Variants in STIM2 observed in about 807,000 individuals in gnomAD.
STIM2 encodes stromal interaction molecule 2.
In STIM2, 31 loss-of-function variants were observed where a neutral mutation model predicts 85.8. The ratio of observed to expected loss-of-function variants is 0.36; its 90% CI spans 0.27 to 0.49. The LOEUF is 0.49. Among genes scored for constraint, STIM2 ranks in the 20% least tolerant of loss-of-function variants. The probability of loss-of-function intolerance (pLI) is 0.98; values close to 1 mark genes in which losing one functional copy is unlikely to be tolerated. For synonymous variants in STIM2, 356 were observed against 331.1 expected (o/e 1.08, Z -0.82); for missense variants, 841 against 927.6 (o/e 0.91, Z 1.21).
At chr4:27,020,870 TA>T in intron 11 of STIM2, 1 of 747,078 alleles carries the variant, frequency 1.3e-6, no homozygotes, top group Non-Finnish European at 2.2e-6. Context: ...TGCTGGGTTA[TA>T]ATCATATGTG....
At chr4:26,917,985 G>A (rs148440989) in intron 1 of STIM2, among the ~76,000 whole-genome samples, 8 of 152,010 alleles carry the variant, frequency 5.3e-5, no homozygotes, top group Non-Finnish European at 2.9e-5. Flanking sequence ...TTATGCCTCC[G>A]AGTTCTTGGA....
chr4:26,922,391 T>G (rs1724837075), intron 2 of STIM2, among the ~76,000 whole-genome samples: 1 of 150,582 alleles, frequency 6.6e-6, no homozygotes, highest in East Asian at 2.0e-4. Context: ...GTATACAGTG[T>G]TAAGTAGATG....
At chr4:26,919,381 A>T in intron 1 of STIM2, 123 bp from the exon 2 acceptor site, 1 of 1,254,452 alleles carries the variant, frequency 8.0e-7, no homozygotes, top group Non-Finnish European at 1.1e-6. Context: ...TAGACGTTTT[A>T]AAGTCTCTTA....
At chr4:27,008,214 A>C (rs1728437400) in intron 8 of STIM2, among the ~76,000 whole-genome samples, 1 of 152,202 alleles carries the variant, frequency 6.6e-6, no homozygotes, top group African/African-American at 2.4e-5. Flanking sequence ...CTCCAGAATA[A>C]AGTTTTGAAT....
chr4:26,937,042 C>T (rs1725419333), intron 2 of STIM2, among the ~76,000 whole-genome samples: 1 of 152,082 alleles, frequency 6.6e-6, no homozygotes, highest in African/African-American at 2.4e-5. Flanking sequence ...CCTGCCTCAA[C>T]CTCTCAAAGT....
intron 1 of STIM2, chr4:26,861,697 T>TTA (rs1722207928): frequency 1.1e-5 from 1 of 94,238 alleles, no homozygotes; most frequent in African/African-American, 5.3e-5. Context: ...CTGGGCTGAT[T>TTA]TTTTTTTTTT....
rs376025030 is a variant in STIM2, at chr4:26,888,575, C to T, written c.151+27206C>T. Reference sequence around the variant, plus strand: ...GTAGCTGGTTTTTGTTTATGATTACCTTCTTGCACTATCCATTCCATTTTT... The same window carrying T: ...GTAGCTGGTTTTTGTTTATGATTACTTTCTTGCACTATCCATTCCATTTTT... On this transcript the variant is annotated intron_variant, in intron 1 of 11. Transcript: ENST00000467087. Among the ~76,000 whole-genome samples, 205 of 152,292 alleles carry T rather than the reference C, an allele frequency of 1.3e-3. 9 individuals carry two copies. In the South Asian group the frequency reaches 0.039, roughly 29 times the overall value.
chr4:26,940,247 C>A (rs1452076506), intron 2 of STIM2, among the ~76,000 whole-genome samples: 1 of 152,160 alleles, frequency 6.6e-6, no homozygotes, highest in African/African-American at 2.4e-5. Flanking sequence ...TGCCTTTCCT[C>A]CACCATAAGT....
At chr4:26,894,706 A>T (rs1001301847) in intron 1 of STIM2, among the ~76,000 whole-genome samples, 3 of 152,138 alleles carry the variant, frequency 2.0e-5, no homozygotes, top group Non-Finnish European at 4.4e-5. Flanking sequence ...AGTCACTGTC[A>T]TCTTATATGT....
rs778636017 is a variant in STIM2 at position 27,017,861 on chromosome 4, C to T, written c.1640C>T (p.Pro547Leu). The T allele has an allele frequency of 5.0e-6, 8 of 1,614,040 alleles. No individual in the cohort carries two copies. Among genetic ancestry groups the T allele is most frequent in the Middle Eastern group, 1.6e-4 (1 of 6,084 alleles). Residue 547 changes from proline (P) to leucine (L), a missense_variant, in exon 11 of 12, where the codon CCG (proline) becomes CTG (leucine). Physicochemically the swap from Pro to Leu is moderately conservative, Grantham distance 98. Transcript: ENST00000467087. ...TCACACCCTCGGCACCCTCACCACC[C>T]GCAACACACACCACACTCCTTGCCT...
At chr4:26,948,092 A>G (rs1172128791) in intron 2 of STIM2, among the ~76,000 whole-genome samples, 2 of 152,208 alleles carry the variant, frequency 1.3e-5, no homozygotes, top group African/African-American at 4.8e-5. Context: ...TTCAGGTATG[A>G]TTGGATTCTT....
intron 2 of STIM2, among the ~76,000 whole-genome samples, chr4:26,922,144 G>A (rs546526833): frequency 1.8e-3 from 281 of 152,044 alleles, no homozygotes; most frequent in African/African-American, 6.4e-3. Context: ...CATTTATTGT[G>A]GGCCGTTTTA....
chr4:27,002,102 G>C, intron 5 of STIM2, 115 bp from the exon 6 acceptor site: 1 of 893,482 alleles, frequency 1.1e-6, no homozygotes, highest in Non-Finnish European at 1.7e-6. Context: ...TTGTGCATGG[G>C]AAAGAGATCT....
intron 2 of STIM2, among the ~76,000 whole-genome samples, chr4:26,927,934 G>A (rs1189486858): frequency 1.3e-5 from 2 of 149,662 alleles, no homozygotes; most frequent in Non-Finnish European, 3.0e-5. Context: ...TGCTATAGCA[G>A]GGTACTATAG....
At chr4:27,016,229 T>TA (rs1032653581) in intron 10 of STIM2, among the ~76,000 whole-genome samples, 1 of 152,340 alleles carries the variant, frequency 6.6e-6, no homozygotes, top group African/African-American at 2.4e-5. Flanking sequence ...TTTCATGATG[T>TA]AAAAAAATCC....
intron 1 of STIM2, 157 bp downstream of exon 1, chr4:26,861,526 A>T (rs1468698637): frequency 1.8e-6 from 2 of 1,127,894 alleles, no homozygotes; most frequent in Non-Finnish European, 2.2e-6. Flanking sequence ...GGTCCCCTGC[A>T]CTCCGGACGT....
At chr4:26,966,843 G>A (rs889180926) in intron 3 of STIM2, among the ~76,000 whole-genome samples, 5 of 152,016 alleles carry the variant, frequency 3.3e-5, no homozygotes, top group Non-Finnish European at 5.9e-5. Context: ...ACTCTGCATA[G>A]AATAGAACAA....
chr4:27,002,074 A>G, intron 5 of STIM2, 143 bp from the exon 6 acceptor site: 1 of 677,254 alleles, frequency 1.5e-6, no homozygotes, highest in Non-Finnish European at 2.3e-6. Context: ...TGAAGAAAGA[A>G]TTTTAAAAGG....
chr4:27,001,254 A>C (rs1728142114), intron 5 of STIM2, among the ~76,000 whole-genome samples: 1 of 152,158 alleles, frequency 6.6e-6, no homozygotes, highest in Non-Finnish European at 1.5e-5. Context: ...TATATTAGCT[A>C]TCATTGTGTC....
Sources: allele counts gnomAD v4.1 joint callset (sites outside exome capture counted in the v4.1 genomes callset), GRCh38; gene constraint gnomAD v4.1.1; transcripts MANE v1.5; gene names NCBI Gene and HGNC (gene_info 2026-07-23, HGNC 2026-07-21).